Variants in FYB1 observed in about 807,000 individuals in gnomAD.
The protein encoded by FYB1 is FYN-binding protein 1.
A neutral mutation model predicts 94.1 loss-of-function variants in FYB1; 41 were observed. The observed-to-expected ratio is 0.44, with a 90% CI of 0.34 to 0.57. The LOEUF is 0.57. Ranked by LOEUF, FYB1 falls within the 20% of genes least tolerant of loss-of-function variation. The pLI, the probability that FYB1 is intolerant of heterozygous loss-of-function variation, is 0.02. For missense variants in FYB1, 1,050 were observed against 976.8 expected (o/e 1.07, Z -1.00); for synonymous variants, 367 against 353.2 (o/e 1.04, Z -0.44).
chr5:39,150,110 C>T (rs2150352944), intron 3 of FYB1, among the ~76,000 whole-genome samples: 1 of 152,138 alleles, frequency 6.6e-6, no homozygotes, highest in Middle Eastern at 3.4e-3. Context: ...CGACTAAATT[C>T]CCGCACTGGG....
At chr5:39,126,913 C>T (rs922019879) in intron 11 of FYB1, among the ~76,000 whole-genome samples, 1 of 150,546 alleles carries the variant, frequency 6.6e-6, no homozygotes, top group Non-Finnish European at 1.5e-5. Context: ...ATGAAATAAC[C>T]CAGGCATGAT....
chr5:39,201,427 G>A (rs941209564), intron 2 of FYB1, among the ~76,000 whole-genome samples: 5 of 152,136 alleles, frequency 3.3e-5, no homozygotes, highest in African/African-American at 1.2e-4. Flanking sequence ...TTCCCTTTGG[G>A]AACTGCTGAC....
chr5:39,233,372 T>C (rs1262171938), intron 1 of FYB1, among the ~76,000 whole-genome samples: 1 of 152,146 alleles, frequency 6.6e-6, no homozygotes, highest in East Asian at 1.9e-4. Flanking sequence ...CTTTATTCTT[T>C]CTTCAGTTAA....
intron 13 of FYB1, 52 bp from the exon 14 acceptor site, chr5:39,122,454 A>G (rs1740214455): frequency 9.6e-7 from 1 of 1,036,698 alleles, no homozygotes; most frequent in South Asian, 1.4e-5. Context: ...TTAGATTTTG[A>G]TATGAGCATT....
At chr5:39,247,105 T>TATATATATATAC (rs1751514187) in intron 1 of FYB1, among the ~76,000 whole-genome samples, 1 of 141,994 alleles carries the variant, frequency 7.0e-6, no homozygotes, top group African/African-American at 2.6e-5. Flanking sequence ...TATATATATA[T>TATATATATATAC]ATATATATAT....
chr5:39,123,899 A>C (rs997349978), intron 13 of FYB1, among the ~76,000 whole-genome samples: 2 of 152,196 alleles, frequency 1.3e-5, no homozygotes, highest in Non-Finnish European at 2.9e-5. Context: ...ACTGGCATGT[A>C]ATCTGGAATG....
chr5:39,156,772 TAG>T (rs1196216654), intron 2 of FYB1, among the ~76,000 whole-genome samples: 1 of 152,188 alleles, frequency 6.6e-6, no homozygotes, highest in Non-Finnish European at 1.5e-5. Flanking sequence ...CGATTGACAT[TAG>T]AGTCTAATGA....
At chr5:39,200,750 T>C (rs1393052158) in intron 2 of FYB1, among the ~76,000 whole-genome samples, 1 of 152,212 alleles carries the variant, frequency 6.6e-6, no homozygotes, top group Non-Finnish European at 1.5e-5. Flanking sequence ...AAGATGTTTC[T>C]ACAGTGCAAA....
intron 1 of FYB1, among the ~76,000 whole-genome samples, chr5:39,228,649 C>T (rs1174441406): frequency 6.6e-6 from 1 of 152,070 alleles, no homozygotes. Flanking sequence ...TCACCAGGGT[C>T]AACATTTTTT....
At chr5:39,222,461 A>G (rs1750309603), upstream of FYB1, among the ~76,000 whole-genome samples, 1 of 152,218 alleles carries the variant, frequency 6.6e-6, no homozygotes, top group South Asian at 2.1e-4. Context: ...AGGGAAGGTG[A>G]GCCCAGCAAT....
At chr5:39,205,235 A>C (rs1179509969) in intron 1 of FYB1, among the ~76,000 whole-genome samples, 1 of 152,236 alleles carries the variant, frequency 6.6e-6, no homozygotes, top group Non-Finnish European at 1.5e-5. Flanking sequence ...AGGAGGCTAC[A>C]TAGCTGAGTG....
chr5:39,213,870 A>T (rs1056419738), intron 1 of FYB1, among the ~76,000 whole-genome samples: 3 of 152,118 alleles, frequency 2.0e-5, no homozygotes, highest in Non-Finnish European at 2.9e-5. Flanking sequence ...CCTCAAACTT[A>T]TTACCAGGGG....
chr5:39,248,064 G>A (rs533046958), intron 1 of FYB1, among the ~76,000 whole-genome samples: 2 of 152,198 alleles, frequency 1.3e-5, no homozygotes, highest in South Asian at 2.1e-4. Flanking sequence ...ACCACTTTCT[G>A]GGTGGGTGGA....
intron 3 of FYB1, among the ~76,000 whole-genome samples, chr5:39,150,307 T>C (rs1580394207): frequency 6.6e-6 from 1 of 152,206 alleles, no homozygotes; most frequent in Non-Finnish European, 1.5e-5. Flanking sequence ...AAGACTGACC[T>C]GAAGTACCTG....
At chr5:39,181,828 G>A (rs190451772) in intron 2 of FYB1, among the ~76,000 whole-genome samples, 3 of 151,968 alleles carry the variant, frequency 2.0e-5, no homozygotes, top group East Asian at 1.9e-4. Flanking sequence ...CTCCTTAATC[G>A]AGGCTCATGG....
At chr5:39,114,064 A>G (rs1010417845) in intron 16 of FYB1, among the ~76,000 whole-genome samples, 12 of 152,172 alleles carry the variant, frequency 7.9e-5, no homozygotes, top group Admixed American at 1.3e-4. Flanking sequence ...TAAGTTAAAA[A>G]AAAATGATCA....
chr5:39,261,337 G>GACACAC (rs57277521), intron 1 of FYB1, among the ~76,000 whole-genome samples: 81,085 of 133,452 alleles, frequency 0.61, 26,101 homozygotes, highest in Non-Finnish European at 0.72. Context: ...TGTAGATTAA[G>GACACAC]ACACACACAC....
At chr5:39,221,859 G>A (rs954624297), upstream of FYB1, among the ~76,000 whole-genome samples, 3 of 152,122 alleles carry the variant, frequency 2.0e-5, no homozygotes, top group Admixed American at 6.5e-5. Context: ...TTAGCTGGGC[G>A]TGGTGGTGGT....
At chr5:39,227,416 T>C (rs2150564762) in intron 1 of FYB1, among the ~76,000 whole-genome samples, 1 of 152,324 alleles carries the variant, frequency 6.6e-6, no homozygotes, top group East Asian at 1.9e-4. Flanking sequence ...CATGCTGAGA[T>C]CTGTGAGAAT....
Sources: gnomAD v4.1 joint callset for allele counts (sites outside exome capture counted in the v4.1 genomes callset) on GRCh38, gnomAD v4.1.1 for gene constraint, MANE v1.5 for transcripts, NCBI Gene and HGNC (gene_info 2026-07-23, HGNC 2026-07-21) for gene names.